E2F2: variants seen among roughly 807,000 people sequenced by gnomAD.
E2F2 encodes E2F transcription factor 2.
E2F2 carries 22 observed loss-of-function variants against 42.2 expected under a neutral mutation model. The ratio of observed to expected loss-of-function variants is 0.52; its 90% CI spans 0.37 to 0.74. The LOEUF is 0.74. Among genes scored for constraint, E2F2 ranks in the 30% least tolerant of loss-of-function variants. The pLI, the probability that E2F2 is intolerant of heterozygous loss-of-function variation, is 0.00. For missense variants in E2F2, 481 were observed against 557.8 expected (o/e 0.86, Z 1.39); for synonymous variants, 248 against 251.6 (o/e 0.99, Z 0.13).
intron 6 of E2F2, among the ~76,000 whole-genome samples, chr1:23,512,918 CTA>C (rs1642938481): frequency 6.6e-6 from 1 of 151,504 alleles, no homozygotes; most frequent in South Asian, 2.1e-4. Context: ...GTTCAAGTGA[CTA>C]TTGTGCCTCA....
intron 6 of E2F2, among the ~76,000 whole-genome samples, chr1:23,515,582 CATT>C (rs1643002339): frequency 6.6e-6 from 1 of 152,086 alleles, no homozygotes; most frequent in South Asian, 2.1e-4. Context: ...GATGGAGTCT[CATT>C]ATGTTGCCCA....
chr1:23,516,526 T>C lies in E2F2; in HGVS notation c.854A>G (p.Asp285Gly), dbSNP rs1342507861. 136 of 1,602,570 alleles carry C rather than the reference T, an allele frequency of 8.5e-5. No individual in the cohort carries two copies. The highest frequency in any genetic ancestry group is 1.1e-4 in the Non-Finnish European group (131 of 1,174,954). Reference sequence around the variant, plus strand: ...GCTCTTGAGATATATCTGCAGGTTGTCCTGGAGGAGGAAGAGAAGCCAGGT... The same window carrying C: ...GCTCTTGAGATATATCTGCAGGTTGCCCTGGAGGAGGAAGAGAAGCCAGGT... ...TRLEVPDRTE[D>G]NLQIYLKSTQ... Residue 285 changes from aspartate to glycine, a missense_variant and splice_region_variant, in exon 6 of 7, where the codon GAC becomes GGC. By Grantham distance (94) the Asp-to-Gly change is moderately conservative (BLOSUM62 -1). Coordinates refer to ENST00000361729, the MANE Select transcript of E2F2 (RefSeq NM_004091.4).
chr1:23,518,984 C>T, intron 5 of E2F2, 32 bp downstream of exon 5: 2 of 1,592,280 alleles, frequency 1.3e-6, no homozygotes, highest in South Asian at 1.1e-5. Context: ...AGGGTCTCAA[C>T]CCTGCTCTCC....
chr1:23,520,778 T>G, intron 4 of E2F2, 135 bp downstream of exon 4: 2 of 855,360 alleles, frequency 2.3e-6, no homozygotes, highest in Non-Finnish European at 3.2e-6. Context: ...AAAATAGACT[T>G]GAGAAGAAAA....
downstream of E2F2, among the ~76,000 whole-genome samples, chr1:23,505,255 T>G (rs1488146701): frequency 2.6e-5 from 4 of 152,138 alleles, no homozygotes; most frequent in South Asian, 6.2e-4. Flanking sequence ...GGGTTAGAAC[T>G]TCATCCCGAG....
In E2F2 at chr1:23,516,477, G is replaced by A. The variant is rs201230543; in HGVS notation, c.903C>T (p.Tyr301=). Residue 301 remains tyrosine, a synonymous_variant, in exon 6 of 7, where the codon TAC becomes TAT. Coordinates refer to ENST00000361729, the MANE Select transcript of E2F2 (RefSeq NM_004091.4). Reference sequence around the variant, plus strand: ...GCTCCTGCACCTCCTCTGGGCACAGGTAGACTTCGATGGGCCCTTGGGTGC... The same window carrying A: ...GCTCCTGCACCTCCTCTGGGCACAGATAGACTTCGATGGGCCCTTGGGTGC... ...LKSTQGPIEV[Y]LCPEEVQEPD... 3 of 1,609,998 alleles carry A rather than the reference G, an allele frequency of 1.9e-6. No homozygotes were observed. Among genetic ancestry groups the A allele is most frequent in the South Asian group, 2.2e-5 (2 of 90,316 alleles).
rs562882168 is a variant in E2F2, at chr1:23,524,446, C to G, written c.295G>C (p.Val99Leu). Residue 99 changes from valine to leucine, a missense_variant, in exon 2 of 7, where the codon GTC becomes CTC. Transcript: ENST00000361729. ...CCCTTGGGGGTTGGGAACTCAGGGA[C>G]GACGGGCCTCCCAATCCCCTCCAGA... The part of the protein sequence containing the change: ...LDLEGIGRPV[V>L]PEFPTPKGKC... The G allele has an allele frequency of 7.4e-6, 12 of 1,613,582 alleles. No individual in the cohort carries two copies. The highest frequency in any genetic ancestry group is 1.7e-5 in the Admixed American group (1 of 59,942).
chr1:23,515,015 C>A (rs1642991685), intron 6 of E2F2, among the ~76,000 whole-genome samples: 1 of 152,144 alleles, frequency 6.6e-6, no homozygotes, highest in African/African-American at 2.4e-5. Flanking sequence ...AGTTTATTAA[C>A]CTCTGAGTTA....
chr1:23,525,449 C>T (rs1208064840), intron 1 of E2F2, among the ~76,000 whole-genome samples: 2 of 152,210 alleles, frequency 1.3e-5, no homozygotes, highest in African/African-American at 4.8e-5. Flanking sequence ...TTCGCAGGCT[C>T]ACGGTACAAG....
At position 23,530,667 on chromosome 1, in the gene E2F2, T is replaced by A; in HGVS notation, c.127A>T (p.Thr43Ser). 1 of 1,613,244 alleles carries A rather than the reference T, an allele frequency of 6.2e-7. No homozygotes were observed. Among genetic ancestry groups the A allele is most frequent in the Non-Finnish European group, 8.5e-7 (1 of 1,179,720 alleles). Residue 43 changes from threonine to serine, a missense_variant, in exon 1 of 7, where the codon ACC becomes TCC. Coordinates refer to ENST00000361729, the MANE Select transcript of E2F2 (RefSeq NM_004091.4). This position sits in a 1 kb window ranked among gnomAD's most constrained non-coding sequence, Gnocchi z 4.4. ...TGCGGGTACAGCGGTGTGTAGTAGG[T>A]AGCAGTAGCTGGGCAGAGCTGGGGG... The part of the protein sequence containing the change: ...SSPQLCPATA[T>S]YYTPLYPQTA...
chr1:23,524,530 T>G (rs1369185779), intron 1 of E2F2, 42 bp from the exon 2 acceptor site: 1 of 1,586,398 alleles, frequency 6.3e-7, no homozygotes, highest in Admixed American at 1.7e-5. Flanking sequence ...TTGAGAATCA[T>G]TCCTCCTTTA....
chr1:23,511,630 C>T (rs1222900117), intron 6 of E2F2, among the ~76,000 whole-genome samples: 1 of 152,202 alleles, frequency 6.6e-6, no homozygotes, highest in Non-Finnish European at 1.5e-5. Flanking sequence ...TCCTGATGCT[C>T]AGAATCCCCC....
chr1:23,525,764 C>T (rs1643239979), intron 1 of E2F2, among the ~76,000 whole-genome samples: 1 of 152,164 alleles, frequency 6.6e-6, no homozygotes, highest in African/African-American at 2.4e-5. Context: ...GAGTCCCTTC[C>T]CTAAAATCTA....
Position 23,520,995 on chromosome 1 carries a change from T to C in E2F2, c.655A>G (p.Asn219Asp). The C allele has an allele frequency of 6.2e-7, 1 of 1,613,742 alleles. No homozygotes were observed. Among genetic ancestry groups the C allele is most frequent in the Non-Finnish European group, 8.5e-7 (1 of 1,179,786 alleles). Residue 219 changes from asparagine (N) to aspartate (D), a missense_variant, in exon 4 of 7, where the codon AAC becomes GAC. By Grantham distance (23) the Asn-to-Asp change is conservative (BLOSUM62 1). Transcript: ENST00000361729. The part of the protein sequence containing the change: ...QLGQELKELM[N>D]TEQALDQLIQ... The stretch of plus-strand genomic sequence containing the variant: ...AGCTGGTCCAAGGCCTGCTCCGTGT[T>C]CATCAGCTCCTTCAGCTCCTGCCCC...
Position 23,521,991 on chromosome 1 carries a change from T to C in E2F2, c.424A>G (p.Ile142Val), listed in dbSNP as rs764192934. Residue 142 changes from isoleucine to valine, a missense_variant, in exon 3 of 7, where the codon ATT becomes GTT. Transcript: ENST00000361729. The part of the protein sequence containing the change: ...TSLGLLTKKF[I>V]YLLSESEDGV... ...TCCTCTGACTCGCTCAGGAGGTAAA[T>C]GAACTTCTTGGTGAGCAGCCCCAGC... 3 of 1,614,062 alleles carry C rather than the reference T, an allele frequency of 1.9e-6. No individual in the cohort carries two copies. The African/African-American group carries it at 4.0e-5, about 22-fold the overall frequency.
chr1:23,513,562 ATGTGTGTGTGTGTGTGTGTGTG>A (rs71023281), intron 6 of E2F2, among the ~76,000 whole-genome samples: 52 of 135,284 alleles, frequency 3.8e-4, no homozygotes, highest in African/African-American at 1.1e-3. Context: ...AGCACGGAAC[ATGTGTGTGTGTGTGTGTGTGTG>A]TGTGTGTGTG....
intron 6 of E2F2, among the ~76,000 whole-genome samples, chr1:23,510,360 C>CT (rs1407775465): frequency 3.3e-5 from 5 of 152,172 alleles, no homozygotes; most frequent in African/African-American, 1.2e-4. Flanking sequence ...GGGTCTCACT[C>CT]TATCACCCAG....
chr1:23,510,928 A>T (rs1459262039), intron 6 of E2F2, among the ~76,000 whole-genome samples: 1 of 152,194 alleles, frequency 6.6e-6, no homozygotes. Flanking sequence ...TTATGATGGT[A>T]AATTTTTGTT....
rs113902346 is a variant in E2F2 at position 23,507,564 on chromosome 1, T to A, written c.*2316A>T. ...AAAGAAAAGAAAATACCACTCAAAA[T>A]GTGTCCTGAAGCACTCTGTGGAAGT... On this transcript the variant is annotated 3_prime_UTR_variant, in exon 7 of 7. Coordinates refer to ENST00000361729, the MANE Select transcript of E2F2 (RefSeq NM_004091.4). 4,220 of 151,294 alleles carry A rather than the reference T, an allele frequency of 0.028. 179 individuals carry two copies. Among genetic ancestry groups the A allele is most frequent in the African/African-American group, 0.095 (3,921 of 41,150 alleles). The allele number at this position is 151,294 out of a possible 1,614,324, so 9.4% of individuals were successfully genotyped here. A position where few individuals can be genotyped will look rare whatever the true frequency, so the allele number is the denominator to read the frequency against.
Sources: gnomAD v4.1 joint callset for allele counts (sites outside exome capture counted in the v4.1 genomes callset) on GRCh38, gnomAD v4.1.1 for gene constraint, Gnocchi (gnomAD v3.1) non-coding constraint, MANE v1.5 for transcripts, NCBI Gene and HGNC (gene_info 2026-07-23, HGNC 2026-07-21) for gene names.